The following AGBL1 variants were observed in gnomAD, a reference collection of about 807,000 sequenced individuals.
AGBL1 encodes the protein cytosolic carboxypeptidase 4.
AGBL1 carries 130 observed loss-of-function variants against 118.9 expected under a neutral mutation model. That is an observed-to-expected ratio of 1.09 (90% confidence interval 0.95 to 1.26). The LOEUF (loss-of-function observed/expected upper bound fraction) is 1.26, where lower values mean the gene tolerates loss of function less well. Among genes scored for constraint, AGBL1 ranks in the 50% most tolerant of loss-of-function variants. The pLI is 0.00. For synonymous variants in AGBL1, 555 were observed against 478.9 expected, an observed-to-expected ratio of 1.16 and a Z score of -2.08; for missense variants, 1,584 against 1,298.1, an observed-to-expected ratio of 1.22 and a Z score of -3.38.
intron 19 of AGBL1, among the ~76,000 whole-genome samples, chr15:86,544,186 G>A (rs2083545484): frequency 6.6e-6 from 1 of 152,174 alleles, no homozygotes; most frequent in African/African-American, 2.4e-5. Flanking sequence ...TCTGACCCAG[G>A]TTGGCTAGGA....
intron 21 of AGBL1, chr15:86,556,186 CAT>C: frequency 6.4e-7 from 1 of 1,556,086 alleles, no homozygotes; most frequent in Non-Finnish European, 8.8e-7. Flanking sequence ...TGAAATGACT[CAT>C]AGGTTCAGGC....
At chr15:86,272,084 C>G (rs1486163817) in intron 15 of AGBL1, among the ~76,000 whole-genome samples, 1 of 152,164 alleles carries the variant, frequency 6.6e-6, no homozygotes, top group African/African-American at 2.4e-5. Context: ...TATCCTGTTT[C>G]TATCCACCCC....
intron 5 of AGBL1, among the ~76,000 whole-genome samples, chr15:86,164,555 C>T (rs1287837662): frequency 2.0e-5 from 3 of 152,142 alleles, no homozygotes; most frequent in Non-Finnish European, 4.4e-5. Flanking sequence ...ATAATAAGGA[C>T]CATTTCCACT....
chr15:86,752,915 T>C (rs1307026299), intron 22 of AGBL1, among the ~76,000 whole-genome samples: 1 of 152,126 alleles, frequency 6.6e-6, no homozygotes, highest in Non-Finnish European at 1.5e-5. Flanking sequence ...ACCAGAATAT[T>C]GCAATTTTCA....
At chr15:86,512,915 A>T (rs577212003) in intron 18 of AGBL1, among the ~76,000 whole-genome samples, 20 of 151,136 alleles carry the variant, frequency 1.3e-4, no homozygotes, top group African/African-American at 3.4e-4. Context: ...TATTTTTTTT[A>T]AATTATAGAT....
At chr15:86,933,924 G>A (rs2080635303) in intron 23 of AGBL1, among the ~76,000 whole-genome samples, 2 of 152,168 alleles carry the variant, frequency 1.3e-5, no homozygotes, top group Admixed American at 1.3e-4. Flanking sequence ...TACAAGCTCT[G>A]TGGCCTTATT....
chr15:87,024,719 G>C (rs1220798139), intron 24 of AGBL1, among the ~76,000 whole-genome samples: 1 of 151,958 alleles, frequency 6.6e-6, no homozygotes, highest in East Asian at 1.9e-4. Context: ...GATGAACATA[G>C]ATGCTAAAAT....
rs1035361029 is a variant in AGBL1 at position 86,506,984 on chromosome 15, G to C, written c.2556-15826G>C. 2.6e-5 allele frequency among the ~76,000 whole-genome samples: 4 copies of C among 151,828 alleles called. No homozygotes were observed. The East Asian group carries it at 7.7e-4, about 29-fold the overall frequency. ...ATATTGCCTATGTTTAGCTTGAAGT[G>C]TATATTTTAGTTTAAAATACCCAGT... On this transcript the variant is annotated intron_variant, in intron 18 of 22. Transcript: ENST00000614907.
chr15:86,822,109 G>T (rs1471489260), intron 22 of AGBL1, among the ~76,000 whole-genome samples: 7 of 152,272 alleles, frequency 4.6e-5, no homozygotes, highest in African/African-American at 1.7e-4. Context: ...CATTTGGGAT[G>T]AACTTGTGAC....
At chr15:86,180,041 A>G (rs1199374539) in intron 5 of AGBL1, among the ~76,000 whole-genome samples, 1 of 139,262 alleles carries the variant, frequency 7.2e-6, no homozygotes, top group African/African-American at 2.4e-5. Context: ...GTTGAAACAA[A>G]TGAAAGAAGA....
In AGBL1 at chr15:86,256,920, A is replaced by G. The variant is rs752739323; in HGVS notation, c.803A>G (p.Tyr268Cys). The G allele has an allele frequency of 1.2e-6, 2 of 1,613,690 alleles. No homozygotes were observed. Among genetic ancestry groups the G allele is most frequent in the African/African-American group, 1.3e-5 (1 of 74,888 alleles). Residue 268 changes from tyrosine to cysteine, a missense_variant, in exon 8 of 23, where the codon TAC (tyrosine) becomes TGC (cysteine). Transcript: ENST00000614907. ...SVVLQILRQC[Y>C]PTSPLPLVTA... ...GTGCTTCAGATCCTGAGGCAGTGCT[A>G]CCCTACGAGTCCACTTCCCTTGGTC... is the stretch of plus-strand genomic sequence containing the variant.
intron 17 of AGBL1, among the ~76,000 whole-genome samples, chr15:86,373,835 A>T (rs1218919108): frequency 1.3e-5 from 2 of 152,208 alleles, no homozygotes; most frequent in Non-Finnish European, 2.9e-5. Flanking sequence ...TTTATATTTT[A>T]CTTAAAATGA....
chr15:86,801,668 A>C (rs1233802317), intron 22 of AGBL1, among the ~76,000 whole-genome samples: 1 of 152,142 alleles, frequency 6.6e-6, no homozygotes, highest in Non-Finnish European at 1.5e-5. Context: ...AGAGATAACT[A>C]TATCTAGATT....
chr15:86,379,353 A>G (rs2081082516), intron 17 of AGBL1, among the ~76,000 whole-genome samples: 1 of 152,158 alleles, frequency 6.6e-6, no homozygotes, highest in African/African-American at 2.4e-5. Flanking sequence ...TCCACTCTTC[A>G]TTATTTCCAT....
chr15:86,356,312 G>A (rs2141910990), intron 17 of AGBL1, among the ~76,000 whole-genome samples: 1 of 151,488 alleles, frequency 6.6e-6, no homozygotes, highest in South Asian at 2.1e-4. Context: ...AAAGCTATTT[G>A]GATTTATATC....
At chr15:86,141,921 C>G in intron 1 of AGBL1, 83 bp from the exon 2 acceptor site, 1 of 1,326,440 alleles carries the variant, frequency 7.5e-7, no homozygotes, top group African/African-American at 1.5e-5. Flanking sequence ...GGAAGTAGAG[C>G]TCTGCCATTC....
At chr15:86,294,912 CCT>C (rs1247430308) in intron 16 of AGBL1, among the ~76,000 whole-genome samples, 1 of 152,172 alleles carries the variant, frequency 6.6e-6, no homozygotes, top group East Asian at 1.9e-4. Flanking sequence ...CACCCCATCC[CCT>C]GACCCTTCCG....
intron 23 of AGBL1, among the ~76,000 whole-genome samples, chr15:86,938,289 A>G (rs899942686): frequency 6.6e-6 from 1 of 152,194 alleles, no homozygotes; most frequent in Admixed American, 6.5e-5. Flanking sequence ...TTCCCCTTTT[A>G]TAGTCTTCCC....
intron 22 of AGBL1, among the ~76,000 whole-genome samples, chr15:86,840,411 A>T (rs1354254409): frequency 3.3e-5 from 5 of 152,138 alleles, no homozygotes; most frequent in African/African-American, 1.2e-4. Flanking sequence ...GCAACCCAGG[A>T]TGCTCTGTCC....
Sources: gnomAD v4.1 joint callset for allele counts (sites outside exome capture counted in the v4.1 genomes callset) on GRCh38, gnomAD v4.1.1 for gene constraint, MANE v1.5 for transcripts, NCBI Gene and HGNC (gene_info 2026-07-23, HGNC 2026-07-21) for gene names.